The following CHRM3 variants were observed in gnomAD, a reference collection of about 807,000 sequenced individuals.
CHRM3 encodes the protein muscarinic acetylcholine receptor M3.
A neutral mutation model predicts 41.8 loss-of-function variants in CHRM3; 11 were observed. The observed-to-expected ratio is 0.26, with a 90% CI of 0.17 to 0.44. The LOEUF (loss-of-function observed/expected upper bound fraction) is 0.44. Ranked by LOEUF, CHRM3 falls within the 20% of genes least tolerant of loss-of-function variation. The probability of loss-of-function intolerance (pLI) is 1.00; values close to 1 mark genes in which losing one functional copy is unlikely to be tolerated. For missense variants in CHRM3, 571 were observed against 745.4 expected, an observed-to-expected ratio of 0.77 and a Z score of 2.72; for synonymous variants, 297 against 301.4, an observed-to-expected ratio of 0.99 and a Z score of 0.15.
At chr1:239,871,968 T>C (rs1389532644) in intron 6 of CHRM3, among the ~76,000 whole-genome samples, 1 of 152,186 alleles carries the variant, frequency 6.6e-6, no homozygotes, top group Non-Finnish European at 1.5e-5. Context: ...ATTTAGACAG[T>C]TGTGTTGATT....
At chr1:239,747,453 T>C (rs1665465246) in intron 5 of CHRM3, among the ~76,000 whole-genome samples, 1 of 152,166 alleles carries the variant, frequency 6.6e-6, no homozygotes, top group African/African-American at 2.4e-5. Flanking sequence ...CCTAGGAGGT[T>C]TGCATGTTGT....
At chr1:239,856,839 T>C (rs1048106146) in intron 6 of CHRM3, among the ~76,000 whole-genome samples, 5 of 152,154 alleles carry the variant, frequency 3.3e-5, no homozygotes, top group African/African-American at 1.2e-4. Context: ...CTAGCTAGGA[T>C]AGTGCATGAA....
At chr1:239,812,027 AG>A (rs1671160253) in intron 5 of CHRM3, among the ~76,000 whole-genome samples, 1 of 152,156 alleles carries the variant, frequency 6.6e-6, no homozygotes, top group Non-Finnish European at 1.5e-5. Flanking sequence ...GTCTATCAAG[AG>A]GCTGATATGT....
At chr1:239,821,371 G>A (rs778523712) in intron 5 of CHRM3, among the ~76,000 whole-genome samples, 5 of 152,144 alleles carry the variant, frequency 3.3e-5, no homozygotes, top group East Asian at 1.9e-4. Context: ...GTCCTACAAG[G>A]CAGGGCAAAA....
At chr1:239,539,961 A>G (rs1239799435) in intron 2 of CHRM3, among the ~76,000 whole-genome samples, 2 of 152,214 alleles carry the variant, frequency 1.3e-5, no homozygotes, top group African/African-American at 4.8e-5. Flanking sequence ...AGATGTTTAC[A>G]TACACAGATG....
chr1:239,456,489 GTAGGCTACACCGTC>G, intron 1 of CHRM3, among the ~76,000 whole-genome samples: 1 of 152,282 alleles, frequency 6.6e-6, no homozygotes, highest in East Asian at 1.9e-4. Flanking sequence ...TCAGTGTGTA[GTAGGCTACACCGTC>G]TAGGCTTGTG....
intron 3 of CHRM3, among the ~76,000 whole-genome samples, chr1:239,567,114 A>G (rs76296861): frequency 6.6e-6 from 1 of 152,262 alleles, no homozygotes; most frequent in East Asian, 1.9e-4. Context: ...CAATTACCCT[A>G]TTGAAAATGT....
chr1:239,901,704 T>TGCATAGTA (rs1401116799), intron 6 of CHRM3, among the ~76,000 whole-genome samples: 1 of 152,216 alleles, frequency 6.6e-6, no homozygotes, highest in African/African-American at 2.4e-5. Context: ...TTTTATCTGC[T>TGCATAGTA]GCATAGTATT....
At chr1:239,681,908 T>C (rs963283042) in intron 5 of CHRM3, among the ~76,000 whole-genome samples, 5 of 151,930 alleles carry the variant, frequency 3.3e-5, no homozygotes, top group African/African-American at 9.7e-5. Flanking sequence ...AAAAGAAAGA[T>C]GTTATAAGGT....
intron 3 of CHRM3, among the ~76,000 whole-genome samples, chr1:239,585,067 A>G (rs931240836): frequency 2.9e-4 from 44 of 150,040 alleles, no homozygotes; most frequent in African/African-American, 9.9e-4. Context: ...ATATATATAT[A>G]TATATATGTA....
chr1:239,669,224 T>C (rs1674118258), intron 4 of CHRM3, among the ~76,000 whole-genome samples: 1 of 152,120 alleles, frequency 6.6e-6, no homozygotes, highest in Non-Finnish European at 1.5e-5. Flanking sequence ...AAAGGTAGGG[T>C]AAAAATAATT....
intron 1 of CHRM3, among the ~76,000 whole-genome samples, chr1:239,460,626 T>C (rs1038664898): frequency 6.6e-6 from 1 of 152,174 alleles, no homozygotes; most frequent in Admixed American, 6.6e-5. Flanking sequence ...CTTCCAAAGA[T>C]AATTTAAGGT....
chr1:239,741,092 G>T (rs561695116), intron 5 of CHRM3, among the ~76,000 whole-genome samples: 1 of 151,936 alleles, frequency 6.6e-6, no homozygotes, highest in Non-Finnish European at 1.5e-5. Flanking sequence ...CATGGCTAAG[G>T]TTCCCATAAC....
At chr1:239,388,266 C>A in intron 1 of CHRM3, among the ~76,000 whole-genome samples, 1 of 152,148 alleles carries the variant, frequency 6.6e-6, no homozygotes, top group Non-Finnish European at 1.5e-5. Context: ...TGTGAAAGGG[C>A]GGCCCTCTTT....
intron 6 of CHRM3, among the ~76,000 whole-genome samples, chr1:239,885,542 T>TTTC: frequency 1.3e-5 from 2 of 152,240 alleles, no homozygotes; most frequent in South Asian, 4.2e-4. Flanking sequence ...TCACAACATG[T>TTTC]TTCTGTGCTA....
chr1:239,829,261 A>C (rs2149090213), intron 6 of CHRM3, among the ~76,000 whole-genome samples: 1 of 152,270 alleles, frequency 6.6e-6, no homozygotes, highest in South Asian at 2.1e-4. Context: ...TTATAAAGTA[A>C]GAAAAACCGC....
chr1:239,668,844 G>A (rs913104781), intron 4 of CHRM3, among the ~76,000 whole-genome samples: 11 of 152,178 alleles, frequency 7.2e-5, no homozygotes, highest in Admixed American at 2.0e-4. Context: ...ACAGTTTGGG[G>A]TCTTATTCAG....
At chr1:239,702,887 T>C (rs1660815883) in intron 5 of CHRM3, among the ~76,000 whole-genome samples, 1 of 152,250 alleles carries the variant, frequency 6.6e-6, no homozygotes, top group Admixed American at 6.5e-5. Context: ...TCCTGATTCA[T>C]AGTATATTTA....
intron 4 of CHRM3, among the ~76,000 whole-genome samples, chr1:239,668,726 C>A (rs1674070194): frequency 6.6e-6 from 1 of 152,150 alleles, no homozygotes; most frequent in Admixed American, 6.5e-5. Context: ...ACTGTGTTGG[C>A]TTCTGTAGAG....
Sources: gnomAD v4.1 joint callset for allele counts (sites outside exome capture counted in the v4.1 genomes callset) on GRCh38, gnomAD v4.1.1 for gene constraint, MANE v1.5 for transcripts, NCBI Gene and HGNC (gene_info 2026-07-23, HGNC 2026-07-21) for gene names.